KCND2: variants seen among roughly 807,000 people sequenced by gnomAD.
KCND2 encodes the protein A-type voltage-gated potassium channel KCND2.
A neutral mutation model predicts 54.4 loss-of-function variants in KCND2; 16 were observed. The observed-to-expected ratio is 0.29, with a 90% CI of 0.20 to 0.45. The LOEUF is 0.45. KCND2 is among the 20% of genes least tolerant of loss of function. The pLI, the probability that KCND2 is intolerant of heterozygous loss-of-function variation, is 1.00. For synonymous variants in KCND2, 317 were observed against 310.7 expected, an observed-to-expected ratio of 1.02 and a Z score of -0.21; for missense variants, 486 against 824.2, an observed-to-expected ratio of 0.59 and a Z score of 5.02.
chr7:120,556,265 A>G (rs368824157), intron 1 of KCND2, among the ~76,000 whole-genome samples: 222 of 152,310 alleles, frequency 1.5e-3, no homozygotes, highest in Non-Finnish European at 2.7e-3. Context: ...TGGTGAGCCA[A>G]AGAGAATAAA....
At chr7:120,501,153 G>C (rs527253972) in intron 1 of KCND2, among the ~76,000 whole-genome samples, 6 of 151,936 alleles carry the variant, frequency 3.9e-5, no homozygotes, top group Non-Finnish European at 8.8e-5. Context: ...TTTATGCTTT[G>C]ACATACATCA....
At chr7:120,307,592 G>C (rs1241915950) in intron 1 of KCND2, among the ~76,000 whole-genome samples, 2 of 152,004 alleles carry the variant, frequency 1.3e-5, no homozygotes, top group Non-Finnish European at 2.9e-5. Context: ...CTCAGTAATA[G>C]AACAGTGTTC....
intron 3 of KCND2, 56 bp downstream of exon 3, chr7:120,741,685 T>G (rs1792943539): frequency 8.7e-7 from 1 of 1,148,614 alleles, no homozygotes; most frequent in Non-Finnish European, 1.3e-6. Context: ...TAATATTGAT[T>G]TAGTTCTACT....
At chr7:120,316,789 T>C (rs942270981) in intron 1 of KCND2, among the ~76,000 whole-genome samples, 5 of 152,144 alleles carry the variant, frequency 3.3e-5, no homozygotes, top group African/African-American at 7.2e-5. Context: ...TGAATTATTG[T>C]ACTTTATGTG....
Position 120,275,460 on chromosome 7 carries a change from G to A in KCND2, c.828G>A (p.Gly276=), listed in dbSNP as rs1256923554. The A allele has an allele frequency of 1.9e-6, 3 of 1,613,622 alleles. No individual in the cohort carries two copies. The highest frequency in any genetic ancestry group is 2.5e-6 in the Non-Finnish European group (3 of 1,179,900). ...TGGCCATCCTGCCTTATTACATTGGGCTGGTGATGACAGACAATGAGGACG... is the reference window on the plus strand; with the variant it reads ...TGGCCATCCTGCCTTATTACATTGGACTGGTGATGACAGACAATGAGGACG... ...DVVAILPYYI[G]LVMTDNEDVS... The change falls in exon 1 of 6, where the codon GGG becomes GGA. Residue 276 remains glycine, a synonymous_variant. Transcript: ENST00000331113.
chr7:120,487,818 AG>A, intron 1 of KCND2, among the ~76,000 whole-genome samples: 1 of 152,372 alleles, frequency 6.6e-6, no homozygotes, highest in African/African-American at 2.4e-5. Context: ...ACTTCAGCTC[AG>A]GCTGTTTTCA....
chr7:120,469,502 C>CA (rs1351791494), intron 1 of KCND2, among the ~76,000 whole-genome samples: 1 of 152,082 alleles, frequency 6.6e-6, no homozygotes, highest in Non-Finnish European at 1.5e-5. Context: ...GAGAGTCTAA[C>CA]AGGACTAATG....
intron 1 of KCND2, among the ~76,000 whole-genome samples, chr7:120,704,328 T>C (rs1792439353): frequency 6.6e-6 from 1 of 152,172 alleles, no homozygotes; most frequent in Non-Finnish European, 1.5e-5. Flanking sequence ...TTATTCAGGA[T>C]GGTAAAATTT....
At chr7:120,313,135 C>T (rs1396868613) in intron 1 of KCND2, among the ~76,000 whole-genome samples, 2 of 152,160 alleles carry the variant, frequency 1.3e-5, no homozygotes, top group African/African-American at 4.8e-5. Flanking sequence ...TTCACACTTT[C>T]ATTTTTCTTT....
intron 1 of KCND2, among the ~76,000 whole-genome samples, chr7:120,601,234 A>G (rs777581425): frequency 2.0e-4 from 30 of 152,068 alleles, no homozygotes; most frequent in Non-Finnish European, 3.7e-4. Context: ...ACTATATTTT[A>G]TTTACTCATA....
intron 1 of KCND2, among the ~76,000 whole-genome samples, chr7:120,684,887 G>A (rs1792182066): frequency 6.6e-6 from 1 of 152,118 alleles, no homozygotes; most frequent in South Asian, 2.1e-4. Context: ...CTGATAATCT[G>A]TCACTGTCTC....
chr7:120,278,121 T>A (rs928617552), intron 1 of KCND2, among the ~76,000 whole-genome samples: 2 of 152,038 alleles, frequency 1.3e-5, no homozygotes, highest in Non-Finnish European at 1.5e-5. Context: ...ATCATATGCT[T>A]TATAATATAA....
chr7:120,397,970 T>G (rs1801178568), intron 1 of KCND2, among the ~76,000 whole-genome samples: 2 of 94,266 alleles, frequency 2.1e-5, no homozygotes, highest in Non-Finnish European at 5.1e-5. Flanking sequence ...TGTGTGTATA[T>G]AAGTGTGTGT....
At chr7:120,391,384 C>A (rs112231270) in intron 1 of KCND2, among the ~76,000 whole-genome samples, 10 of 152,114 alleles carry the variant, frequency 6.6e-5, no homozygotes, top group African/African-American at 2.2e-4. Flanking sequence ...CGTATGTGTG[C>A]ATGTGTCTTT....
At chr7:120,290,130 C>T (rs572119518) in intron 1 of KCND2, among the ~76,000 whole-genome samples, 2 of 152,128 alleles carry the variant, frequency 1.3e-5, no homozygotes, top group East Asian at 3.9e-4. Flanking sequence ...TTAACAATGC[C>T]TAGAACATTG....
intron 1 of KCND2, among the ~76,000 whole-genome samples, chr7:120,340,853 T>C (rs762845494): frequency 1.3e-5 from 2 of 152,188 alleles, no homozygotes; most frequent in Admixed American, 6.5e-5. Context: ...TTAAAACTAA[T>C]GGGCAAAATG....
chr7:120,523,446 TG>T (rs1005410339), intron 1 of KCND2, among the ~76,000 whole-genome samples: 5 of 150,504 alleles, frequency 3.3e-5, no homozygotes, highest in African/African-American at 1.2e-4. Context: ...GTTTTTTAAA[TG>T]GACTAAGTCA....
chr7:120,624,123 T>C (rs1214197688), intron 1 of KCND2, among the ~76,000 whole-genome samples: 2 of 152,166 alleles, frequency 1.3e-5, no homozygotes, highest in Non-Finnish European at 2.9e-5. Context: ...TTCAAAAAGG[T>C]CTTAACTATA....
intron 1 of KCND2, among the ~76,000 whole-genome samples, chr7:120,346,771 T>C (rs1800323943): frequency 6.6e-6 from 1 of 152,092 alleles, no homozygotes; most frequent in South Asian, 2.1e-4. Flanking sequence ...GTCTTGACCT[T>C]CTTGTTAGGT....
Sources: allele counts gnomAD v4.1 joint callset (sites outside exome capture counted in the v4.1 genomes callset), GRCh38; gene constraint gnomAD v4.1.1; transcripts MANE v1.5; gene names NCBI Gene and HGNC (gene_info 2026-07-23, HGNC 2026-07-21).